The following ICA1 variants were observed in gnomAD, a reference collection of about 807,000 sequenced individuals.
ICA1 encodes the protein islet cell autoantigen 1, also known as 69 kDa islet cell autoantigen.
Under a neutral mutation model 71.0 loss-of-function variants are expected in ICA1, and 40 were observed. The ratio of observed to expected loss-of-function variants is 0.56; its 90% CI spans 0.44 to 0.73. ICA1 has a LOEUF of 0.73. Among genes scored for constraint, ICA1 ranks in the 30% least tolerant of loss-of-function variants. The pLI, the probability that ICA1 is intolerant of heterozygous loss-of-function variation, is 0.00. For missense variants in ICA1, 578 were observed against 576.5 expected, an observed-to-expected ratio of 1.00 and a Z score of -0.03; for synonymous variants, 207 against 209.5, an observed-to-expected ratio of 0.99 and a Z score of 0.10.
rs116049669 is a variant in ICA1 at position 8,151,562 on chromosome 7, C to T, written c.804+5554G>A. Among the ~76,000 whole-genome samples, 347 of 152,248 alleles carry T rather than the reference C, an allele frequency of 2.3e-3. 2 individuals are homozygous for T. The highest frequency in any genetic ancestry group is 7.8e-3 in the African/African-American group (325 of 41,534). ...AGCCTAAAAGGATATCCTGGATGCT[C>T]GCCATATGTAATTGTCTTGTTGGGA... On this transcript the variant is annotated intron_variant, in intron 8 of 13. Transcript: ENST00000402384.
At chr7:8,136,001 T>G (rs1793278056) in intron 12 of ICA1, among the ~76,000 whole-genome samples, 1 of 152,214 alleles carries the variant, frequency 6.6e-6, no homozygotes, top group African/African-American at 2.4e-5. Flanking sequence ...CATGTGGTCA[T>G]AAGGCAGTTT....
In ICA1 at chr7:8,222,823, C is replaced by G. The variant is rs1178700142; in HGVS notation, c.257-1425G>C. 6.6e-6 allele frequency among the ~76,000 whole-genome samples: 1 copy of G among 152,202 alleles called. No individual in the cohort carries two copies. Among genetic ancestry groups the G allele is most frequent in the Non-Finnish European group, 1.5e-5 (1 of 68,026 alleles). ...CTATTTCTCCGGACAGCAGTGCTCT[C>G]TGGGCACCTGACTTAGCACTCACCT... On this transcript the variant is annotated intron_variant, in intron 4 of 13. Transcript: ENST00000402384. This position sits in a 1 kb window ranked among gnomAD's most constrained non-coding sequence, Gnocchi z 4.8.
chr7:8,155,266 T>C (rs1801090019), intron 8 of ICA1, among the ~76,000 whole-genome samples: 1 of 152,230 alleles, frequency 6.6e-6, no homozygotes, highest in Admixed American at 6.5e-5. Context: ...GCTCTGGGGA[T>C]GTAAAAGCTA....
At position 8,247,153 on chromosome 7, in the gene ICA1, A is replaced by G. The variant is rs199518848; in HGVS notation, c.-79-11148T>C. On this transcript the variant is annotated intron_variant, in intron 1 of 13. Transcript: ENST00000402384. The stretch of plus-strand genomic sequence containing the variant: ...CCACTTGTCATTACTTGCTAGAGCC[A>G]TTTAAAAACCATTTTAGGCTGGATG... Among the ~76,000 whole-genome samples, 4 of 152,282 alleles carry G rather than the reference A, an allele frequency of 2.6e-5. No homozygotes were observed. In the East Asian group the frequency reaches 7.7e-4, roughly 29 times the overall value.
At chr7:8,176,692 C>T (rs1174062308) in intron 6 of ICA1, among the ~76,000 whole-genome samples, 2 of 152,216 alleles carry the variant, frequency 1.3e-5, no homozygotes, top group African/African-American at 4.8e-5. Flanking sequence ...CAGGGCACAA[C>T]ATGCTCTGTT....
chr7:8,149,116 CCTCT>C (rs1464896822), intron 8 of ICA1, among the ~76,000 whole-genome samples: 2 of 152,280 alleles, frequency 1.3e-5, no homozygotes, highest in African/African-American at 4.8e-5. Context: ...ATCTAAGAGG[CCTCT>C]CTGACTATGT....
At position 8,208,051 on chromosome 7, in the gene ICA1, A is replaced by T. The variant is rs1339445918; in HGVS notation, c.579+10254T>A. ...ACAAAAATAATTCAATCATTAAAAA[A>T]TGCTATTCAAAATTCTTTAATATTC... is the stretch of plus-strand genomic sequence containing the variant. On this transcript the variant is annotated intron_variant, in intron 6 of 13. Transcript: ENST00000402384. 2.0e-5 allele frequency among the ~76,000 whole-genome samples: 3 copies of T among 152,234 alleles called. No individual in the cohort carries two copies. The South Asian group carries it at 6.2e-4, about 32-fold the overall frequency.
chr7:8,170,665 A>T (rs946068966), intron 6 of ICA1, among the ~76,000 whole-genome samples: 3 of 152,020 alleles, frequency 2.0e-5, no homozygotes, highest in African/African-American at 7.2e-5. Context: ...CAGCTTGTAT[A>T]CTGTGACCTT....
chr7:8,126,393 G>A (rs12532271), intron 13 of ICA1, among the ~76,000 whole-genome samples: 38,777 of 152,046 alleles, frequency 0.26, 5,197 homozygotes, highest in African/African-American at 0.31. Flanking sequence ...GAATGAGGTG[G>A]TGAAACCTGG....
chr7:8,203,352 C>T (rs549325808), intron 6 of ICA1, among the ~76,000 whole-genome samples: 3 of 152,190 alleles, frequency 2.0e-5, no homozygotes, highest in East Asian at 1.9e-4. Flanking sequence ...AAAGTTAAGA[C>T]ATAAGAAATC....
chr7:8,135,862 T>C (rs1169704902), intron 12 of ICA1, among the ~76,000 whole-genome samples: 1 of 152,214 alleles, frequency 6.6e-6, no homozygotes, highest in East Asian at 1.9e-4. Context: ...GTTGAATTCA[T>C]TGAACTGTCT....
At chr7:8,208,580 T>C (rs1792463427) in intron 6 of ICA1, among the ~76,000 whole-genome samples, 1 of 152,144 alleles carries the variant, frequency 6.6e-6, no homozygotes, top group African/African-American at 2.4e-5. Flanking sequence ...CTGGGAAAGA[T>C]GATATGTGAG....
chr7:8,131,816 T>A (rs774374897), intron 12 of ICA1, among the ~76,000 whole-genome samples: 2 of 152,228 alleles, frequency 1.3e-5, no homozygotes, highest in Non-Finnish European at 2.9e-5. Flanking sequence ...ATCATTTTCT[T>A]TGAAAAAAAT....
intron 13 of ICA1, among the ~76,000 whole-genome samples, chr7:8,125,932 C>T (rs767174886): frequency 1.1e-4 from 17 of 152,302 alleles, no homozygotes; most frequent in Non-Finnish European, 1.8e-4. Context: ...GTGCCTTTCC[C>T]GTGTATATGG....
chr7:8,128,272 G>C, intron 12 of ICA1, 130 bp from the exon 13 acceptor site: 1 of 920,038 alleles, frequency 1.1e-6, no homozygotes, highest in Non-Finnish European at 1.6e-6. Context: ...CAAAATATAA[G>C]TTCATCCTAT....
At chr7:8,213,588 C>T (rs1794513852) in intron 6 of ICA1, among the ~76,000 whole-genome samples, 1 of 152,200 alleles carries the variant, frequency 6.6e-6, no homozygotes, top group African/African-American at 2.4e-5. Flanking sequence ...GGGACCTGCC[C>T]TCAATTGCTA....
chr7:8,227,962 G>T (rs1360399716), intron 4 of ICA1: 1 of 345,148 alleles, frequency 2.9e-6, no homozygotes, highest in Non-Finnish European at 6.1e-6. Flanking sequence ...TACTGAAAAG[G>T]GGTTTGGCAG....
At chr7:8,250,732 C>G (rs1053918479) in intron 1 of ICA1, among the ~76,000 whole-genome samples, 1 of 152,098 alleles carries the variant, frequency 6.6e-6, no homozygotes, top group Admixed American at 6.6e-5. Flanking sequence ...GAAATGGGAT[C>G]ATGTTTTAAT....
At chr7:8,237,611 C>T (rs578187551) in intron 1 of ICA1, among the ~76,000 whole-genome samples, 29 of 152,220 alleles carry the variant, frequency 1.9e-4, no homozygotes, top group African/African-American at 5.5e-4. Flanking sequence ...TCCCACAGCC[C>T]CCAGCAACCA....
Sources: gnomAD v4.1 joint callset for allele counts (sites outside exome capture counted in the v4.1 genomes callset) on GRCh38, gnomAD v4.1.1 for gene constraint, Gnocchi (gnomAD v3.1) non-coding constraint, MANE v1.5 for transcripts, NCBI Gene and HGNC (gene_info 2026-07-23, HGNC 2026-07-21) for gene names.